R3HCC1: variants seen among roughly 807,000 people sequenced by gnomAD.
R3HCC1 encodes R3H and coiled-coil domain-containing protein 1.
In R3HCC1, 32 loss-of-function variants were observed where a neutral mutation model predicts 40.0. That is an observed-to-expected ratio of 0.80 (90% CI 0.60 to 1.07). The LOEUF is 1.07. R3HCC1 is among the 50% of genes least tolerant of loss of function. R3HCC1 has a pLI of 0.00. For synonymous variants in R3HCC1, 237 were observed against 232.8 expected (o/e 1.02, Z -0.17); for missense variants, 586 against 563.3 (o/e 1.04, Z -0.41).
At chr8:23,295,583 G>A in intron 7 of R3HCC1, 1 of 460,802 alleles carries the variant, frequency 2.2e-6, no homozygotes, top group South Asian at 1.6e-5. Flanking sequence ...TAGCCAACAT[G>A]GTCCAGGGTT....
Position 23,289,033 on chromosome 8 carries a change from C to A in R3HCC1, c.128C>A (p.Pro43Gln), listed in dbSNP as rs1475840614. The A allele has an allele frequency of 2.6e-6, 4 of 1,536,622 alleles. No homozygotes were observed. Among genetic ancestry groups the A allele is most frequent in the East Asian group, 2.4e-5 (1 of 40,918 alleles). The change falls in exon 3 of 8, where the codon CCA (proline) becomes CAA (glutamine). Residue 43 changes from proline to glutamine, a missense_variant. By Grantham distance (76) the Pro-to-Gln change is moderately conservative. Transcript: ENST00000265806. ...CTCCCCAGGGTTCTTCTTTTCCCCC[C>A]ACTCTCCAGTCGCCTCCGGTACCTG... is the stretch of plus-strand genomic sequence containing the variant.
intron 7 of R3HCC1, among the ~76,000 whole-genome samples, chr8:23,295,152 G>C (rs1802975005): frequency 6.6e-6 from 1 of 152,080 alleles, no homozygotes; most frequent in African/African-American, 2.4e-5. Context: ...CCCTCTTCTG[G>C]GCACAGGGAA....
intron 5 of R3HCC1, among the ~76,000 whole-genome samples, chr8:23,292,664 G>T (rs11991422): frequency 3.2e-4 from 48 of 152,276 alleles, no homozygotes; most frequent in African/African-American, 1.1e-3. Flanking sequence ...CGTGGCCCTT[G>T]TTAACTCTGC....
chr8:23,288,210 T>G, intron 1 of R3HCC1, 53 bp downstream of exon 1: 2 of 1,204,438 alleles, frequency 1.7e-6, no homozygotes, highest in Non-Finnish European at 1.1e-6. Flanking sequence ...GGCTCCCGGG[T>G]GGGAAGGAGC....
chr8:23,293,357 T>TCC lies in R3HCC1; in HGVS notation c.1082_1083dup (p.Cys362ProfsTer10). 1 of 1,551,298 alleles carries TCC rather than the reference T, an allele frequency of 6.4e-7. No homozygotes were observed. The highest frequency in any genetic ancestry group is 8.7e-7 in the Non-Finnish European group (1 of 1,146,830). On this transcript the variant is annotated frameshift_variant, in exon 6 of 8. Transcript: ENST00000265806. LOFTEE classifies it high-confidence loss of function. ...ATGATACTCACGCACTCGGCATCTT[T>TCC]CCCTGCCTGGCCTCAGGTAAGGCAC...
chr8:23,294,540 G>A, intron 6 of R3HCC1, among the ~76,000 whole-genome samples: 1 of 152,222 alleles, frequency 6.6e-6, no homozygotes, highest in East Asian at 1.9e-4. Flanking sequence ...TGACCAGCCT[G>A]GGGTGGGAGT....
rs904621627 is a variant in R3HCC1, at chr8:23,291,357, C to T, written c.853-4C>T. 4 of 1,551,454 alleles carry T rather than the reference C, an allele frequency of 2.6e-6. No individual in the cohort carries two copies. The South Asian group carries it at 3.6e-5, about 14-fold the overall frequency. ...CCCCTTGCTAAGGGTCCGATCTCTC[C>T]TAGATCACAGACAACCTGACGAAGA... On this transcript the variant is annotated splice_polypyrimidine_tract_variant and splice_region_variant and intron_variant, in intron 4 of 7. Coordinates refer to ENST00000265806, the MANE Select transcript of R3HCC1 (RefSeq NM_001136108.3).
Position 23,291,500 on chromosome 8 carries a change from C to T in R3HCC1, c.992C>T (p.Thr331Met), listed in dbSNP as rs548571155. The T allele has an allele frequency of 1.7e-4, 267 of 1,551,412 alleles. No individual in the cohort carries two copies. The highest frequency in any genetic ancestry group is 5.5e-4 in the South Asian group (46 of 84,046). Residue 331 changes from threonine (T) to methionine (M), a missense_variant, in exon 5 of 8, where the codon ACG (threonine) becomes ATG (methionine). Transcript: ENST00000265806. ...TATGACTTTGAACCAGCGCTCAAGA[C>T]GGAGGACCTGCTGGCAACGTTTTCT...
At chr8:23,288,730 G>A in intron 2 of R3HCC1, 97 bp downstream of exon 2, 1 of 1,446,066 alleles carries the variant, frequency 6.9e-7, no homozygotes, top group South Asian at 1.3e-5. Context: ...CTGGCAGCTG[G>A]CTCTGACCTT....
At chr8:23,295,867 T>G in intron 7 of R3HCC1, 100 bp from the exon 8 acceptor site, 18 of 1,430,864 alleles carry the variant, frequency 1.3e-5, no homozygotes, top group Middle Eastern at 1.8e-4. Context: ...ATGTGTCACA[T>G]GAGAGGCTGG....
intron 4 of R3HCC1, among the ~76,000 whole-genome samples, 169 bp downstream of exon 4, chr8:23,290,638 G>A (rs1802847494): frequency 6.6e-6 from 1 of 152,102 alleles, no homozygotes; most frequent in Admixed American, 6.5e-5. Flanking sequence ...ATGAGGTGTG[G>A]ATTTGGGTCC....
rs1231489272 is a variant in R3HCC1 at position 23,288,577 on chromosome 8, C to T, written c.54C>T (p.Phe18=). ...TCCTCTCCTCAGCCGAGAATGACTTCGTCCACCGGATCCAGGAGGAACTGG... is the reference window on the plus strand; with the variant it reads ...TCCTCTCCTCAGCCGAGAATGACTTTGTCCACCGGATCCAGGAGGAACTGG... The change falls in exon 2 of 8, where the codon TTC becomes TTT. Residue 18 remains phenylalanine (F), a synonymous_variant. Coordinates refer to ENST00000265806, the MANE Select transcript of R3HCC1 (RefSeq NM_001136108.3). The T allele has an allele frequency of 7.2e-6, 11 of 1,535,994 alleles. No homozygotes were observed. The highest frequency in any genetic ancestry group is 8.7e-6 in the Non-Finnish European group (10 of 1,146,880).
At chr8:23,295,745 T>C (rs1044293598) in intron 7 of R3HCC1, 1 of 604,286 alleles carries the variant, frequency 1.7e-6, no homozygotes, top group Admixed American at 3.0e-5. Context: ...AACAAGGGCA[T>C]GTAGAGGCGA....
At position 23,290,124 on chromosome 8, in the gene R3HCC1, G is replaced by A; in HGVS notation, c.507G>A (p.Glu169=). ...CCCCAGCTGGCAGGGACCCAGAAGA[G>A]CCTGGAGATGTTGGTGCTGGAGACC... Residue 169 remains glutamate, a synonymous_variant, in exon 4 of 8, where the codon GAG becomes GAA. Transcript: ENST00000265806. 1.3e-6 allele frequency: 2 copies of A among 1,551,368 alleles called. No individual in the cohort carries two copies. Among genetic ancestry groups the A allele is most frequent in the South Asian group, 2.4e-5 (2 of 84,066 alleles).
Position 23,289,187 on chromosome 8 carries a change from G to A in R3HCC1, c.248+34G>A, listed in dbSNP as rs1802805890. On this transcript the variant is annotated intron_variant, in intron 3 of 7. Coordinates refer to ENST00000265806, the MANE Select transcript of R3HCC1 (RefSeq NM_001136108.3). The stretch of plus-strand genomic sequence containing the variant: ...CCTCCCACCTTGAAGTGCCTGCAGC[G>A]GTGGTGTGTGGGTGGCCAGCTAGCT... 5 of 1,533,152 alleles carry A rather than the reference G, an allele frequency of 3.3e-6. No homozygotes were observed. In the South Asian group the frequency reaches 3.6e-5, roughly 11 times the overall value. 95.0% of individuals were successfully genotyped at this position (1,533,152 alleles called of 1,614,324 possible). A position where few individuals can be genotyped will look rare whatever the true frequency, so the allele number is the denominator to read the frequency against.
intron 7 of R3HCC1, 54 bp downstream of exon 7, chr8:23,294,918 C>T (rs373880874): frequency 8.2e-5 from 104 of 1,266,530 alleles, no homozygotes; most frequent in East Asian, 4.1e-4. Flanking sequence ...TGTGTGCGTG[C>T]GAGCATGTGT....
In R3HCC1 at chr8:23,293,182, G is replaced by T. The variant is rs951648899; in HGVS notation, c.1026-121G>T. 5.5e-6 allele frequency: 4 copies of T among 721,348 alleles called. No individual in the cohort carries two copies. The African/African-American group carries it at 7.1e-5, about 13-fold the overall frequency. 44.7% of individuals were successfully genotyped at this position (721,348 alleles called of 1,614,324 possible). On this transcript the variant is annotated intron_variant, in intron 5 of 7. Transcript: ENST00000265806. ...GATTGTCTCCGTCCCAGAAGAGATGGGACCTTGCCTCAGGCTGGTGGCATC... is the reference window on the plus strand; with the variant it reads ...GATTGTCTCCGTCCCAGAAGAGATGTGACCTTGCCTCAGGCTGGTGGCATC...
At chr8:23,288,097 C>A, upstream of R3HCC1, 1 of 1,271,782 alleles carries the variant, frequency 7.9e-7, no homozygotes, top group Non-Finnish European at 1.0e-6. Flanking sequence ...CTCTCTAGGG[C>A]GCTCGGGCGC....
Position 23,293,304 on chromosome 8 carries a change from G to T in R3HCC1, c.1027G>T (p.Glu343Ter), listed in dbSNP as rs1374074583. The T allele has an allele frequency of 6.4e-7, 1 of 1,551,340 alleles. No individual in the cohort carries two copies. Reference sequence around the variant, plus strand: ...GCTGTCTCCTCTCTCGCCGCACAGAGAGAAGGGGTTCAGGATTCAGTGGGT... The same window carrying T: ...GCTGTCTCCTCTCTCGCCGCACAGATAGAAGGGGTTCAGGATTCAGTGGGT... The change falls in exon 6 of 8, where the codon GAG becomes TAG. Residue 343 changes from glutamate (E) to a stop codon, truncating the protein, a stop_gained and splice_region_variant. Coordinates refer to ENST00000265806, the MANE Select transcript of R3HCC1 (RefSeq NM_001136108.3). LOFTEE classifies it high-confidence loss of function.
Sources: gnomAD v4.1 joint callset for allele counts (sites outside exome capture counted in the v4.1 genomes callset) on GRCh38, gnomAD v4.1.1 for gene constraint, MANE v1.5 for transcripts, NCBI Gene and HGNC (gene_info 2026-07-23, HGNC 2026-07-21) for gene names.